The following VEGFC variants were observed in gnomAD, a reference collection of about 807,000 sequenced individuals.
VEGFC encodes FLT4 ligand DHM.
In VEGFC, 12 loss-of-function variants were observed where a neutral mutation model predicts 46.1. That is an observed-to-expected ratio of 0.26 (90% CI 0.17 to 0.42). The LOEUF (loss-of-function observed/expected upper bound fraction) is 0.42, where lower values mean the gene tolerates loss of function less well. VEGFC is among the 10% of genes least tolerant of loss of function. The probability of loss-of-function intolerance (pLI) is 1.00; values close to 1 mark genes in which losing one functional copy is unlikely to be tolerated. For missense variants in VEGFC, 488 were observed against 529.4 expected (o/e 0.92, Z 0.77); for synonymous variants, 232 against 195.5 (o/e 1.19, Z -1.56).
chr4:176,711,572 A>G lies in VEGFC; in HGVS notation c.631T>C (p.Cys211Arg). The stretch of plus-strand genomic sequence containing the variant: ...CTGTAAACATCCAGTTTAGACATGC[A>G]TCGGCAGGAAGTGTGATTGGCAAAA... ...ISFANHTSCRCMSKLDVYRQV... is the reference protein window; with the variant it reads ...ISFANHTSCRRMSKLDVYRQV... The change falls in exon 4 of 7, where the codon TGC (cysteine) becomes CGC (arginine). Residue 211 changes from cysteine to arginine, a missense_variant. Cys to Arg is a radical substitution (Grantham distance 180). Coordinates refer to ENST00000618562, the MANE Select transcript of VEGFC (RefSeq NM_005429.5). 1 of 1,613,864 alleles carries G rather than the reference A, an allele frequency of 6.2e-7. No homozygotes were observed. The highest frequency in any genetic ancestry group is 8.5e-7 in the Non-Finnish European group (1 of 1,179,810).
chr4:176,753,965 G>C (rs1330106889), intron 1 of VEGFC, among the ~76,000 whole-genome samples: 1 of 151,946 alleles, frequency 6.6e-6, no homozygotes, highest in African/African-American at 2.4e-5. Flanking sequence ...CTTTCGCCTA[G>C]GTTATTCAAA....
At position 176,711,587 on chromosome 4, in the gene VEGFC, G is replaced by C; in HGVS notation, c.616C>G (p.His206Asp). 1 of 1,613,850 alleles carries C rather than the reference G, an allele frequency of 6.2e-7. No individual in the cohort carries two copies. The highest frequency in any genetic ancestry group is 8.5e-7 in the Non-Finnish European group (1 of 1,179,806). The change falls in exon 4 of 7, where the codon CAC (histidine) becomes GAC (aspartate). Residue 206 changes from histidine to aspartate, a missense_variant. Coordinates refer to ENST00000618562, the MANE Select transcript of VEGFC (RefSeq NM_005429.5). Reference protein sequence around the residue: ...PKPVTISFANHTSCRCMSKLD... With the variant: ...PKPVTISFANDTSCRCMSKLD... Reference sequence around the variant, plus strand: ...TTAGACATGCATCGGCAGGAAGTGTGATTGGCAAAACTGATTGTTACTGGT... The same window carrying C: ...TTAGACATGCATCGGCAGGAAGTGTCATTGGCAAAACTGATTGTTACTGGT...
chr4:176,736,320 C>A (rs899125487), intron 1 of VEGFC, among the ~76,000 whole-genome samples: 1 of 151,724 alleles, frequency 6.6e-6, no homozygotes, highest in Non-Finnish European at 1.5e-5. Context: ...ATTTATATAA[C>A]TTTAAATAAC....
At chr4:176,717,811 G>A (rs1734721714) in intron 3 of VEGFC, among the ~76,000 whole-genome samples, 1 of 151,960 alleles carries the variant, frequency 6.6e-6, no homozygotes, top group African/African-American at 2.4e-5. Context: ...AAACTACAAC[G>A]AATTTAAAGA....
At chr4:176,731,679 T>G (rs2111020501) in intron 1 of VEGFC, among the ~76,000 whole-genome samples, 1 of 152,012 alleles carries the variant, frequency 6.6e-6, no homozygotes, top group Middle Eastern at 3.4e-3. Context: ...TGACCTAAAC[T>G]GATCACATCT....
Position 176,726,702 on chromosome 4 carries a change from C to G in VEGFC, c.552+1076G>C, listed in dbSNP as rs1734879265. ...TAGTTCATGGAATTGAGATAGTAAT[C>G]TTAACTCTGATTTCTATTAATACTA... On this transcript the variant is annotated intron_variant, in intron 3 of 6. Coordinates refer to ENST00000618562, the MANE Select transcript of VEGFC (RefSeq NM_005429.5). Among the ~76,000 whole-genome samples, 4 of 152,086 alleles carry G rather than the reference C, an allele frequency of 2.6e-5. No homozygotes were observed. In the South Asian group the frequency reaches 8.3e-4, roughly 32 times the overall value.
At chr4:176,755,362 G>C (rs1037335714) in intron 1 of VEGFC, among the ~76,000 whole-genome samples, 1 of 152,000 alleles carries the variant, frequency 6.6e-6, no homozygotes, top group African/African-American at 2.4e-5. Flanking sequence ...AGTTTAACAA[G>C]ACTTTTTGTA....
intron 1 of VEGFC, among the ~76,000 whole-genome samples, chr4:176,743,583 T>C (rs1052191889): frequency 8.0e-5 from 12 of 149,834 alleles, no homozygotes; most frequent in African/African-American, 2.7e-4. Context: ...TATACCGATA[T>C]ATAAATATAT....
At chr4:176,716,244 A>G (rs893834048) in intron 3 of VEGFC, among the ~76,000 whole-genome samples, 2 of 152,244 alleles carry the variant, frequency 1.3e-5, no homozygotes, top group Admixed American at 6.5e-5. Flanking sequence ...TCAGGATAAC[A>G]GTCATCAGTA....
In VEGFC at chr4:176,775,373, C is replaced by T. The variant is rs561903060; in HGVS notation, c.147+16792G>A. 3.3e-5 allele frequency among the ~76,000 whole-genome samples: 5 copies of T among 152,132 alleles called. No homozygotes were observed. The South Asian group carries it at 6.2e-4, about 19-fold the overall frequency. ...TGATGTTGATTTTTTAACCCAAAACCTTAACTTGAAACTCTTAATCAGTAT... is the reference window on the plus strand; with the variant it reads ...TGATGTTGATTTTTTAACCCAAAACTTTAACTTGAAACTCTTAATCAGTAT... On this transcript the variant is annotated intron_variant, in intron 1 of 6. Transcript: ENST00000618562.
chr4:176,752,187 T>C (rs650911), intron 1 of VEGFC, among the ~76,000 whole-genome samples: 130,166 of 151,918 alleles, frequency 0.86, 56,615 homozygotes, highest in East Asian at 1. Flanking sequence ...TTGAAGGCCT[T>C]CATGGAGTTA....
intron 1 of VEGFC, among the ~76,000 whole-genome samples, chr4:176,791,920 G>C (rs1191230353): frequency 6.6e-6 from 1 of 152,136 alleles, no homozygotes; most frequent in Non-Finnish European, 1.5e-5. Context: ...AATAGATTTC[G>C]GGATCTCTCA....
At chr4:176,763,285 A>G (rs1248705356) in intron 1 of VEGFC, among the ~76,000 whole-genome samples, 2 of 152,268 alleles carry the variant, frequency 1.3e-5, no homozygotes, top group African/African-American at 2.4e-5. Flanking sequence ...CGCCATTTCT[A>G]TTAATAATAA....
chr4:176,690,385 T>C (rs1478543494), intron 4 of VEGFC, among the ~76,000 whole-genome samples: 1 of 151,852 alleles, frequency 6.6e-6, no homozygotes, highest in Non-Finnish European at 1.5e-5. Context: ...TGCCAAAAAA[T>C]TGCATATATG....
intron 3 of VEGFC, 50 bp from the exon 4 acceptor site, chr4:176,711,700 C>T (rs368621055): frequency 2.5e-6 from 4 of 1,590,456 alleles, no homozygotes; most frequent in Non-Finnish European, 3.4e-6. Context: ...TGCTGTAAAG[C>T]ACTTTTATGG....
At chr4:176,763,844 A>T (rs903568414) in intron 1 of VEGFC, among the ~76,000 whole-genome samples, 17 of 152,110 alleles carry the variant, frequency 1.1e-4, no homozygotes, top group Admixed American at 2.6e-4. Flanking sequence ...AGAGTCCTCT[A>T]AAAAAAGGTC....
In VEGFC at chr4:176,738,832, C is replaced by G. The variant is rs192262344; in HGVS notation, c.148-9086G>C. On this transcript the variant is annotated intron_variant, in intron 1 of 6. Transcript: ENST00000618562. Reference sequence around the variant, plus strand: ...ACAAAAGTCTAATATCCAGAGTCTACAAGGAACTTAAATTTACAAGAAAAA... The same window carrying G: ...ACAAAAGTCTAATATCCAGAGTCTAGAAGGAACTTAAATTTACAAGAAAAA... Among the ~76,000 whole-genome samples the G allele has an allele frequency of 7.6e-3, 1,153 of 151,672 alleles. 6 individuals are homozygous for G. Among genetic ancestry groups the G allele is most frequent in the Non-Finnish European group, 0.012 (783 of 67,884 alleles).
chr4:176,745,593 G>A (rs1261953572), intron 1 of VEGFC, among the ~76,000 whole-genome samples: 1 of 152,076 alleles, frequency 6.6e-6, no homozygotes, highest in East Asian at 1.9e-4. Flanking sequence ...GTATTTACAG[G>A]TTCATCTGAA....
At chr4:176,727,119 C>T (rs1055948007) in intron 3 of VEGFC, among the ~76,000 whole-genome samples, 3 of 152,198 alleles carry the variant, frequency 2.0e-5, no homozygotes, top group Admixed American at 2.0e-4. Context: ...TCCTCTACCA[C>T]GTAAGGCCCA....
Sources: gnomAD v4.1 joint callset for allele counts (sites outside exome capture counted in the v4.1 genomes callset) on GRCh38, gnomAD v4.1.1 for gene constraint, MANE v1.5 for transcripts, NCBI Gene and HGNC (gene_info 2026-07-23, HGNC 2026-07-21) for gene names.